MAGI2: variants seen among roughly 807,000 people sequenced by gnomAD.
MAGI2 encodes the protein membrane-associated guanylate kinase, WW and PDZ domain-containing protein 2.
MAGI2 carries 35 observed loss-of-function variants against 133.3 expected under a neutral mutation model. That is an observed-to-expected ratio of 0.26 (90% CI 0.20 to 0.35). The LOEUF is 0.35. MAGI2 is among the 10% of genes least tolerant of loss of function. MAGI2 has a pLI of 1.00. For missense variants in MAGI2, 1,636 were observed against 1,863.4 expected, an observed-to-expected ratio of 0.88 and a Z score of 2.25; for synonymous variants, 729 against 710.6, an observed-to-expected ratio of 1.03 and a Z score of -0.41.
chr7:78,078,935 C>A lies in MAGI2; in HGVS notation c.3706+12G>T. The A allele has an allele frequency of 6.2e-7, 1 of 1,612,484 alleles. No homozygotes were observed. Among genetic ancestry groups the A allele is most frequent in the African/African-American group, 1.3e-5 (1 of 74,892 alleles). Reference sequence around the variant, plus strand: ...GGAAGAGCAAAAGGGTGAATTAAAACGTGAAACGTACCATATTCTGGGACC... The same window carrying A: ...GGAAGAGCAAAAGGGTGAATTAAAAAGTGAAACGTACCATATTCTGGGACC... On this transcript the variant is annotated intron_variant, in intron 21 of 21. Transcript: ENST00000354212.
intron 9 of MAGI2, among the ~76,000 whole-genome samples, chr7:78,323,020 T>C (rs73702208): frequency 1.4e-5 from 2 of 138,382 alleles, no homozygotes; most frequent in Non-Finnish European, 3.1e-5. Context: ...TAAAAATAAA[T>C]ATGTGTTCAT....
chr7:79,285,739 T>C (rs544858334), intron 1 of MAGI2, among the ~76,000 whole-genome samples: 1 of 152,124 alleles, frequency 6.6e-6, no homozygotes, highest in South Asian at 2.1e-4. Context: ...GCAGAAACAA[T>C]GTTAGAGAAG....
At chr7:78,024,726 C>G (rs992114510) in intron 21 of MAGI2, among the ~76,000 whole-genome samples, 4 of 152,100 alleles carry the variant, frequency 2.6e-5, no homozygotes, top group African/African-American at 4.8e-5. Flanking sequence ...TTTCATAAAC[C>G]CTTGGGGATA....
intron 1 of MAGI2, among the ~76,000 whole-genome samples, chr7:79,088,007 T>C (rs1816684654): frequency 6.6e-6 from 1 of 152,124 alleles, no homozygotes; most frequent in Admixed American, 6.6e-5. Context: ...AAATGTAAAG[T>C]AGTTTTCTCC....
chr7:78,499,783 T>C (rs1794456242), intron 5 of MAGI2, among the ~76,000 whole-genome samples: 1 of 152,238 alleles, frequency 6.6e-6, no homozygotes, highest in Admixed American at 6.5e-5. Context: ...ACTATGTATG[T>C]CATCAGCTTC....
intron 1 of MAGI2, among the ~76,000 whole-genome samples, chr7:79,267,144 T>G (rs781081367): frequency 1.2e-4 from 18 of 152,158 alleles, no homozygotes; most frequent in Non-Finnish European, 2.2e-4. Flanking sequence ...ACCCCTGCCT[T>G]TAAGAACCCT....
chr7:78,684,172 T>C (rs1177177184), intron 2 of MAGI2, among the ~76,000 whole-genome samples: 1 of 152,196 alleles, frequency 6.6e-6, no homozygotes, highest in African/African-American at 2.4e-5. Flanking sequence ...AGCCTAAACA[T>C]AAATCTGTAT....
intron 9 of MAGI2, among the ~76,000 whole-genome samples, chr7:78,331,857 C>A (rs536548054): frequency 6.6e-6 from 1 of 152,140 alleles, no homozygotes; most frequent in East Asian, 1.9e-4. Context: ...AGCCTTAGTG[C>A]AAATTAATAT....
intron 6 of MAGI2, among the ~76,000 whole-genome samples, chr7:78,445,793 C>T (rs1285368577): frequency 1.3e-5 from 2 of 151,920 alleles, no homozygotes; most frequent in Non-Finnish European, 1.5e-5. Flanking sequence ...TTTATTAATG[C>T]ATTTTCTTCC....
At chr7:78,731,605 ATT>A (rs765964199) in intron 2 of MAGI2, among the ~76,000 whole-genome samples, 13 of 152,148 alleles carry the variant, frequency 8.5e-5, no homozygotes, top group Non-Finnish European at 1.8e-4. Context: ...TTAAAGTGAC[ATT>A]TAGCAGAAGC....
intron 3 of MAGI2, among the ~76,000 whole-genome samples, chr7:78,562,361 G>A (rs1037730639): frequency 6.6e-6 from 1 of 152,164 alleles, no homozygotes; most frequent in Non-Finnish European, 1.5e-5. Context: ...TAGTAGAAAG[G>A]AAATGGTTTC....
intron 2 of MAGI2, among the ~76,000 whole-genome samples, chr7:78,792,812 A>G (rs1333720932): frequency 6.6e-6 from 1 of 152,250 alleles, no homozygotes; most frequent in African/African-American, 2.4e-5. Flanking sequence ...GTCTGTAGGC[A>G]TGAATAACAA....
intron 3 of MAGI2, among the ~76,000 whole-genome samples, chr7:78,565,119 A>C (rs906180553): frequency 3.3e-5 from 5 of 151,758 alleles, no homozygotes; most frequent in Non-Finnish European, 7.4e-5. Flanking sequence ...TTCAACAATA[A>C]AATGGTTATG....
chr7:78,900,013 G>A (rs1799011), intron 2 of MAGI2, among the ~76,000 whole-genome samples: 56,617 of 151,996 alleles, frequency 0.37, 12,194 homozygotes, highest in South Asian at 0.57. Flanking sequence ...TGCATTCTGA[G>A]ATCCATTTAC....
At chr7:78,392,078 G>A (rs1437010370) in intron 6 of MAGI2, among the ~76,000 whole-genome samples, 2 of 152,156 alleles carry the variant, frequency 1.3e-5, no homozygotes, top group African/African-American at 4.8e-5. Context: ...AAATAAGACA[G>A]AAGGGATACA....
chr7:78,062,927 A>G (rs1813431779), intron 21 of MAGI2, among the ~76,000 whole-genome samples: 1 of 152,094 alleles, frequency 6.6e-6, no homozygotes, highest in Admixed American at 6.6e-5. Flanking sequence ...CTCCTCTCTG[A>G]TCCTGTCCTT....
chr7:78,568,172 T>C (rs949917835), intron 3 of MAGI2: 4 of 152,382 alleles, frequency 2.6e-5, no homozygotes, highest in African/African-American at 9.6e-5. Context: ...AAGTTCTAAA[T>C]GTTTAAATCT....
At chr7:78,478,916 G>A (rs550660467) in intron 6 of MAGI2, among the ~76,000 whole-genome samples, 1 of 151,930 alleles carries the variant, frequency 6.6e-6, no homozygotes. Flanking sequence ...GAAAGGGGGA[G>A]AGTAACTGGG....
chr7:78,119,807 A>G (rs1027594012), intron 20 of MAGI2, among the ~76,000 whole-genome samples: 3 of 152,158 alleles, frequency 2.0e-5, no homozygotes, highest in Non-Finnish European at 4.4e-5. Flanking sequence ...AATGAAGAAA[A>G]GAAGACTGGG....
Sources: gnomAD v4.1 joint callset for allele counts (sites outside exome capture counted in the v4.1 genomes callset) on GRCh38, gnomAD v4.1.1 for gene constraint, MANE v1.5 for transcripts, NCBI Gene and HGNC (gene_info 2026-07-23, HGNC 2026-07-21) for gene names.